DZIP1L: variants seen among roughly 807,000 people sequenced by gnomAD.
DZIP1L encodes cilium assembly protein DZIP1L.
DZIP1L carries 90 observed loss-of-function variants against 88.7 expected under a neutral mutation model. The observed-to-expected ratio is 1.02, with a 90% CI of 0.86 to 1.21. The LOEUF (loss-of-function observed/expected upper bound fraction) is 1.21. DZIP1L is among the 50% of genes most tolerant of loss of function. DZIP1L has a pLI of 0.00. For missense variants in DZIP1L, 932 were observed against 955.8 expected, an observed-to-expected ratio of 0.98 and a Z score of 0.33; for synonymous variants, 363 against 372.1, an observed-to-expected ratio of 0.98 and a Z score of 0.28.
At chr3:138,106,449 C>T (rs562240633) in intron 1 of DZIP1L, among the ~76,000 whole-genome samples, 1 of 151,582 alleles carries the variant, frequency 6.6e-6, no homozygotes, top group African/African-American at 2.4e-5. Flanking sequence ...ATGATTCAGA[C>T]TTTAAAAAGT....
chr3:138,064,810 A>G (rs1245990904), intron 14 of DZIP1L, 43 bp from the exon 15 acceptor site: 4 of 1,535,634 alleles, frequency 2.6e-6, no homozygotes, highest in Non-Finnish European at 3.5e-6. Flanking sequence ...AGAAGCCTAG[A>G]AAATGAACAT....
chr3:138,077,380 G>T, intron 11 of DZIP1L, 119 bp downstream of exon 11: 1 of 1,481,666 alleles, frequency 6.7e-7, no homozygotes. Context: ...AGCCCGGGCT[G>T]CCACAAGTGA....
At chr3:138,071,862 CAG>C (rs1422387772) in intron 11 of DZIP1L, 27 bp from the exon 12 acceptor site, 2 of 1,587,104 alleles carry the variant, frequency 1.3e-6, no homozygotes, top group Non-Finnish European at 1.7e-6. Context: ...TTCACCTTTA[CAG>C]AGAGAGGCTA....
rs542104144 is a variant in DZIP1L at position 138,063,495 on chromosome 3, A to G, written c.2143-518T>C. 2.1e-3 allele frequency among the ~76,000 whole-genome samples: 316 copies of G among 152,330 alleles called. 1 individual carries two copies. Among genetic ancestry groups the G allele is most frequent in the African/African-American group, 7.3e-3 (304 of 41,586 alleles). On this transcript the variant is annotated intron_variant, in intron 15 of 15. Transcript: ENST00000327532. The surrounding 1 kb of genome is among the most constrained non-coding windows in gnomAD (Gnocchi z 4.1). ...AAGGGTCTGCACTGCAGCCAGCAGG[A>G]CAGCTCAGAGTCAGCCAAGGGACCA... is the stretch of plus-strand genomic sequence containing the variant.
rs1417256103 is a variant in DZIP1L at position 138,087,063 on chromosome 3, G to A, written c.1000-40C>T. The A allele has an allele frequency of 3.1e-6, 5 of 1,591,048 alleles. No individual in the cohort carries two copies. The Middle Eastern group carries it at 5.0e-4, about 159-fold the overall frequency. On this transcript the variant is annotated intron_variant, in intron 6 of 15. Transcript: ENST00000327532. ...AAGCTTATCAAATGGGCCCTTGCAG[G>A]TATTAAAACATGTTATAAAGCTACA...
chr3:138,063,049 G>C lies in DZIP1L; in HGVS notation c.2143-72C>G, dbSNP rs1942760105. ...AGGGTGGCTGAGAGCTAAGCACATT[G>C]CAGGATGGGAATGCAGAATGGAAAT... On this transcript the variant is annotated intron_variant, in intron 15 of 15. Coordinates refer to ENST00000327532, the MANE Select transcript of DZIP1L (RefSeq NM_173543.3). This position sits in a 1 kb window ranked among gnomAD's most constrained non-coding sequence, Gnocchi z 4.1. 1.3e-6 allele frequency: 2 copies of C among 1,537,874 alleles called. No individual in the cohort carries two copies. Among genetic ancestry groups the C allele is most frequent in the African/African-American group, 2.7e-5 (2 of 73,628 alleles).
At chr3:138,064,500 C>T in intron 15 of DZIP1L, 128 bp downstream of exon 15, 1 of 1,612,110 alleles carries the variant, frequency 6.2e-7, no homozygotes, top group Non-Finnish European at 8.5e-7. Flanking sequence ...GGAGGTCACC[C>T]ACAATGTCCC....
intron 5 of DZIP1L, chr3:138,088,734 C>A (rs1944067483): frequency 1.2e-5 from 14 of 1,213,422 alleles, no homozygotes; most frequent in Non-Finnish European, 1.4e-5. Context: ...CATGGAAGAA[C>A]AAATTAAAGA....
intron 2 of DZIP1L, chr3:138,102,158 G>T: frequency 7.3e-7 from 1 of 1,378,556 alleles, no homozygotes; most frequent in Non-Finnish European, 1.0e-6. Flanking sequence ...CCATGTCCAG[G>T]GAGTGACTGT....
chr3:138,102,558 C>A, intron 2 of DZIP1L: 1 of 1,420,614 alleles, frequency 7.0e-7, no homozygotes. Flanking sequence ...TCCAGTTGGT[C>A]TCCAGCATCT....
chr3:138,105,526 C>T (rs2042456887), intron 1 of DZIP1L, among the ~76,000 whole-genome samples: 1 of 152,060 alleles, frequency 6.6e-6, no homozygotes, highest in African/African-American at 2.4e-5. Flanking sequence ...CACTCTAAAT[C>T]ATCTCTAGAT....
chr3:138,093,449 G>C (rs1028971974), intron 4 of DZIP1L, among the ~76,000 whole-genome samples: 1 of 152,230 alleles, frequency 6.6e-6, no homozygotes, highest in African/African-American at 2.4e-5. Context: ...AGTGGCAAAT[G>C]AGCATTGGCT....
intron 12 of DZIP1L, 83 bp from the exon 13 acceptor site, chr3:138,068,450 A>C: frequency 9.5e-7 from 1 of 1,052,314 alleles, no homozygotes; most frequent in South Asian, 2.0e-5. Flanking sequence ...TGGCTCCAAC[A>C]CCCTGGAAAT....
chr3:138,109,798 T>G (rs2042588218), intron 1 of DZIP1L, among the ~76,000 whole-genome samples: 1 of 152,224 alleles, frequency 6.6e-6, no homozygotes, highest in Non-Finnish European at 1.5e-5. Flanking sequence ...AATGAGTTCA[T>G]GTACTTTGCA....
At chr3:138,102,103 T>G in intron 2 of DZIP1L, 1 of 1,445,974 alleles carries the variant, frequency 6.9e-7, no homozygotes, top group Non-Finnish European at 9.7e-7. Flanking sequence ...CAGCTGCAGT[T>G]GGCGATCTCC....
intron 2 of DZIP1L, chr3:138,102,629 T>A: frequency 2.1e-6 from 3 of 1,447,920 alleles, no homozygotes; most frequent in Non-Finnish European, 2.9e-6. Context: ...TTGTTGAGGG[T>A]CTTGATCTGC....
chr3:138,097,442 C>A (rs1944530900), intron 3 of DZIP1L, among the ~76,000 whole-genome samples: 2 of 152,174 alleles, frequency 1.3e-5, no homozygotes, highest in Non-Finnish European at 2.9e-5. Flanking sequence ...CAAAGTCACT[C>A]CATCTGACTG....
chr3:138,075,980 A>G (rs2107756947), intron 11 of DZIP1L, among the ~76,000 whole-genome samples: 1 of 152,360 alleles, frequency 6.6e-6, no homozygotes, highest in Admixed American at 6.5e-5. Context: ...GAAAGAGCAC[A>G]AATAGATAAT....
In DZIP1L at chr3:138,097,855, G is replaced by A. The variant is rs930500430; in HGVS notation, c.502-8C>T. The A allele has an allele frequency of 2.5e-6, 4 of 1,609,232 alleles. No individual in the cohort carries two copies. The highest frequency in any genetic ancestry group is 3.4e-5 in the Admixed American group (2 of 59,492). ...CTTGTCACACAGGTGGCACTATACA[G>A]AGAGGAAGCAATGGGGAGTACAAGA... is the stretch of plus-strand genomic sequence containing the variant. On this transcript the variant is annotated splice_region_variant and splice_polypyrimidine_tract_variant and intron_variant, in intron 2 of 15. Transcript: ENST00000327532.
Sources: allele counts gnomAD v4.1 joint callset (sites outside exome capture counted in the v4.1 genomes callset), GRCh38; gene constraint gnomAD v4.1.1; non-coding constraint Gnocchi (gnomAD v3.1); transcripts MANE v1.5; gene names NCBI Gene and HGNC (gene_info 2026-07-23, HGNC 2026-07-21).